LYPD4: variants seen among roughly 807,000 people sequenced by gnomAD.
LYPD4 encodes LY6/PLAUR domain containing 4, also known as ly6/PLAUR domain-containing protein 4.
LYPD4 carries 20 observed loss-of-function variants against 18.2 expected under a neutral mutation model. The observed-to-expected ratio is 1.10, with a 90% confidence interval of 0.77 to 1.59. The LOEUF is 1.59. LYPD4 is among the 40% of genes most tolerant of loss of function. The pLI, the probability that LYPD4 is intolerant of heterozygous loss-of-function variation, is 0.00. For missense variants in LYPD4, 278 were observed against 300.3 expected, an observed-to-expected ratio of 0.93 and a Z score of 0.55; for synonymous variants, 111 against 118.3, an observed-to-expected ratio of 0.94 and a Z score of 0.40.
Position 41,844,322 on chromosome 19 carries a change from A to C in LYPD4, c.-865T>G, listed in dbSNP as rs2123180668. 6.6e-6 allele frequency: 1 copy of C among 152,388 alleles called. No homozygotes were observed. The highest frequency in any genetic ancestry group is 2.4e-5 in the African/African-American group (1 of 41,576). The allele number at this position is 152,388 out of a possible 1,614,324, so 9.4% of individuals were successfully genotyped here. A position where few individuals can be genotyped will look rare whatever the true frequency, so the allele number is the denominator to read the frequency against. ...CTAGAGGCGTCCCCGGTAGCGAAGG[A>C]AGCCGGGAAGGGGCCAGGCTATCAG... is the stretch of plus-strand genomic sequence containing the variant. On this transcript the variant is annotated 5_prime_UTR_variant, in exon 1 of 5. Transcript: ENST00000609812.
At chr19:41,839,879 A>G (rs1276043535) in intron 1 of LYPD4, among the ~76,000 whole-genome samples, 1 of 151,938 alleles carries the variant, frequency 6.6e-6, no homozygotes, top group African/African-American at 2.4e-5. Context: ...GTAAAACCCC[A>G]TCTCTACTAA....
chr19:41,842,178 G>A (rs1474761000), intron 1 of LYPD4, among the ~76,000 whole-genome samples: 3 of 152,042 alleles, frequency 2.0e-5, no homozygotes, highest in Non-Finnish European at 4.4e-5. Flanking sequence ...AAATAGCTGG[G>A]ACTACAGGTG....
chr19:41,837,176 G>C lies in LYPD4; in HGVS notation c.708C>G (p.Val236=). ...ASSRQDPAWG[V]VLGLLFAFRD is the part of the protein sequence containing the mutation. ...TGAAGGCAAACAGGAGGCCTAAGACGACACCCCAAGCAGGATCTTGCCTGG... is the reference window on the plus strand; with the variant it reads ...TGAAGGCAAACAGGAGGCCTAAGACCACACCCCAAGCAGGATCTTGCCTGG... The change falls in exon 5 of 5, where the codon GTC becomes GTG. Residue 236 remains valine (V), a synonymous_variant. Transcript: ENST00000609812. 1 of 1,614,008 alleles carries C rather than the reference G, an allele frequency of 6.2e-7. No homozygotes were observed. The highest frequency in any genetic ancestry group is 8.5e-7 in the Non-Finnish European group (1 of 1,179,906).
Position 41,837,186 on chromosome 19 carries a change from G to C in LYPD4, c.698C>G (p.Ala233Gly). The stretch of plus-strand genomic sequence containing the variant: ...CAGGAGGCCTAAGACGACACCCCAA[G>C]CAGGATCTTGCCTGGAGGATGCTGC... ...VGAASSRQDP[A>G]WGVVLGLLFA... The change falls in exon 5 of 5, where the codon GCT becomes GGT. Residue 233 changes from alanine to glycine, a missense_variant. Coordinates refer to ENST00000609812, the MANE Select transcript of LYPD4 (RefSeq NM_173506.7). 4 of 1,614,048 alleles carry C rather than the reference G, an allele frequency of 2.5e-6. No individual in the cohort carries two copies. Among genetic ancestry groups the C allele is most frequent in the Non-Finnish European group, 3.4e-6 (4 of 1,179,920 alleles).
chr19:41,843,078 C>CAAAAAAAAAAAAAAAAAAAAAAAAAA (rs2073693023), intron 1 of LYPD4, among the ~76,000 whole-genome samples: 1 of 9,110 alleles, frequency 1.1e-4, no homozygotes, highest in Non-Finnish European at 2.0e-4. Flanking sequence ...AAAAAAAAAA[C>CAAAAAAAAAAAAAAAAAAAAAAAAAA]CCCAACAACA....
chr19:41,840,254 C>A (rs561845191), intron 1 of LYPD4, among the ~76,000 whole-genome samples: 2 of 151,996 alleles, frequency 1.3e-5, no homozygotes, highest in African/African-American at 4.8e-5. Context: ...CGACAAAATG[C>A]CATCTCTACA....
At chr19:41,840,281 G>A (rs903795616) in intron 1 of LYPD4, among the ~76,000 whole-genome samples, 16 of 152,036 alleles carry the variant, frequency 1.1e-4, no homozygotes, top group Non-Finnish European at 2.2e-4. Context: ...ACAAAAATTG[G>A]CCAGGCATGG....
At position 41,839,424 on chromosome 19, in the gene LYPD4, T is replaced by G; in HGVS notation, c.-120-19A>C. 2.6e-6 allele frequency: 2 copies of G among 780,984 alleles called. No homozygotes were observed. Among genetic ancestry groups the G allele is most frequent in the Non-Finnish European group, 4.3e-6 (2 of 466,064 alleles). The allele number at this position is 780,984 out of a possible 1,614,324, so 48.4% of individuals were successfully genotyped here. A position where few individuals can be genotyped will look rare whatever the true frequency, so the allele number is the denominator to read the frequency against. ...ACTGTTTCTGGAGCAGAAAGTTGAT[T>G]GCATCAGCTTCTAGGACATAGGCTC... is the stretch of plus-strand genomic sequence containing the variant. On this transcript the variant is annotated intron_variant, in intron 1 of 4. Transcript: ENST00000609812.
At chr19:41,842,262 C>T (rs1259174214) in intron 1 of LYPD4, among the ~76,000 whole-genome samples, 1 of 152,018 alleles carries the variant, frequency 6.6e-6, no homozygotes, top group Non-Finnish European at 1.5e-5. Flanking sequence ...CTCCTGGGCT[C>T]AAGCAATCCA....
At chr19:41,835,205 G>C (rs1029735161), downstream of LYPD4, 8 of 152,106 alleles carry the variant, frequency 5.3e-5, no homozygotes, top group Non-Finnish European at 1.2e-4. Context: ...GGAGTGGATG[G>C]GGAAAAGAAC....
At position 41,838,253 on chromosome 19, in the gene LYPD4, T is replaced by C. The variant is rs1555831556; in HGVS notation, c.220A>G (p.Arg74Gly). 2 of 1,524,736 alleles carry C rather than the reference T, an allele frequency of 1.3e-6. No individual in the cohort carries two copies. Among genetic ancestry groups the C allele is most frequent in the African/African-American group, 2.8e-5 (2 of 72,172 alleles). The allele number at this position is 1,524,736 out of a possible 1,614,324, so 94.5% of individuals were successfully genotyped here. A position where few individuals can be genotyped will look rare whatever the true frequency, so the allele number is the denominator to read the frequency against. The stretch of plus-strand genomic sequence containing the variant: ...CAGCCTTTAAAGCCCACGACTCCCC[T>C]TGCAGTCCCTGAGGAGCAGAGGATT... ...TLVFIETGTA[R>G]GVVGFKGCSS... The change falls in exon 4 of 5, where the codon AGG (arginine) becomes GGG (glycine). Residue 74 changes from arginine to glycine, a missense_variant. Transcript: ENST00000609812.
In LYPD4 at chr19:41,838,262, C is replaced by T. The variant is rs2073441290; in HGVS notation, c.212-1G>A. 6.6e-7 allele frequency: 1 copy of T among 1,522,180 alleles called. No individual in the cohort carries two copies. The highest frequency in any genetic ancestry group is 1.4e-5 in the African/African-American group (1 of 71,952). 94.3% of individuals were successfully genotyped at this position (1,522,180 alleles called of 1,614,324 possible). On this transcript the variant is annotated splice_acceptor_variant, in intron 3 of 4. Coordinates refer to ENST00000609812, the MANE Select transcript of LYPD4 (RefSeq NM_173506.7). LOFTEE classifies it high-confidence loss of function. ...AAGCCCACGACTCCCCTTGCAGTCCCTGAGGAGCAGAGGATTGAGAGAGCT... is the reference window on the plus strand; with the variant it reads ...AAGCCCACGACTCCCCTTGCAGTCCTTGAGGAGCAGAGGATTGAGAGAGCT...
At chr19:41,839,634 G>A in intron 1 of LYPD4, 1 of 322,100 alleles carries the variant, frequency 3.1e-6, no homozygotes, top group East Asian at 6.1e-5. Flanking sequence ...TCCAGCCAGA[G>A]GCAATGAGAT....
intron 4 of LYPD4, among the ~76,000 whole-genome samples, chr19:41,837,617 C>A (rs1352011726): frequency 6.6e-6 from 1 of 151,794 alleles, no homozygotes; most frequent in Non-Finnish European, 1.5e-5. Context: ...TCACTTGAAC[C>A]TGGGAGGCAG....
chr19:41,843,078 C>A (rs1472358693), intron 1 of LYPD4, among the ~76,000 whole-genome samples: 5,122 of 9,000 alleles, frequency 0.57, 1,975 homozygotes, highest in African/African-American at 0.66. Flanking sequence ...AAAAAAAAAA[C>A]CCCAACAACA....
At chr19:41,841,259 T>C (rs1010234750) in intron 1 of LYPD4, among the ~76,000 whole-genome samples, 42 of 151,284 alleles carry the variant, frequency 2.8e-4, no homozygotes, top group African/African-American at 9.2e-4. Flanking sequence ...CAGTGGCTTA[T>C]GCCGGTAATT....
chr19:41,836,287 CAAAAAAAAAAAAAAAAAAAAAAAA>C (rs531204341), downstream of LYPD4, among the ~76,000 whole-genome samples: 17 of 19,942 alleles, frequency 8.5e-4, no homozygotes, highest in East Asian at 0.016. Flanking sequence ...GCCAACTTAC[CAAAAAAAAAAAAAAAAAAAAAAAA>C]AAAAAAAAAA....
chr19:41,836,349 A>G (rs1409764709), downstream of LYPD4, among the ~76,000 whole-genome samples: 19 of 147,344 alleles, frequency 1.3e-4, no homozygotes, highest in African/African-American at 4.7e-4. Context: ...CAGATAAAAT[A>G]ATCTCAAGTC....
intron 1 of LYPD4, among the ~76,000 whole-genome samples, chr19:41,840,457 T>C (rs1258008035): frequency 6.6e-6 from 1 of 152,204 alleles, no homozygotes; most frequent in East Asian, 1.9e-4. Flanking sequence ...ACAGGGAAAC[T>C]GGAGGAAGGA....
Sources: gnomAD v4.1 joint callset for allele counts (sites outside exome capture counted in the v4.1 genomes callset) on GRCh38, gnomAD v4.1.1 for gene constraint, MANE v1.5 for transcripts, NCBI Gene and HGNC (gene_info 2026-07-23, HGNC 2026-07-21) for gene names.